Variants in EZH1 observed in about 807,000 individuals in gnomAD.
EZH1 encodes enhancer of zeste 1 polycomb repressive complex 2 subunit.
In EZH1, 33 loss-of-function variants were observed where a neutral mutation model predicts 100.5. The ratio of observed to expected loss-of-function variants is 0.33; its 90% CI spans 0.25 to 0.44. The LOEUF (loss-of-function observed/expected upper bound fraction) is 0.44, where lower values mean the gene tolerates loss of function less well. EZH1 is among the 20% of genes least tolerant of loss of function. EZH1 has a pLI of 1.00. For synonymous variants in EZH1, 272 were observed against 313.8 expected, an observed-to-expected ratio of 0.87 and a Z score of 1.41; for missense variants, 475 against 928.4, an observed-to-expected ratio of 0.51 and a Z score of 6.35.
Position 42,718,653 on chromosome 17 carries a change from G to C in EZH1, c.768-36C>G, listed in dbSNP as rs776916633. 1 of 1,610,328 alleles carries C rather than the reference G, an allele frequency of 6.2e-7. No individual in the cohort carries two copies. Among genetic ancestry groups the C allele is most frequent in the Admixed American group, 1.7e-5 (1 of 59,876 alleles). Reference sequence around the variant, plus strand: ...AAAGAGAGATAAGAGTTCCTCCGAGGAACTGCCTCCACTGAGGAAATACAG... The same window carrying C: ...AAAGAGAGATAAGAGTTCCTCCGAGCAACTGCCTCCACTGAGGAAATACAG... On this transcript the variant is annotated intron_variant, in intron 8 of 20. Transcript: ENST00000428826. This position sits in a 1 kb window ranked among gnomAD's most constrained non-coding sequence, Gnocchi z 4.2.
chr17:42,725,843 CTT>C (rs1203366669), intron 4 of EZH1, among the ~76,000 whole-genome samples: 1 of 152,096 alleles, frequency 6.6e-6, no homozygotes, highest in Admixed American at 6.6e-5. Context: ...TAACATTCTG[CTT>C]CAGGAAAGAT....
intron 1 of EZH1, among the ~76,000 whole-genome samples, chr17:42,737,751 A>G (rs1044106321): frequency 2.0e-5 from 3 of 152,240 alleles, no homozygotes; most frequent in African/African-American, 7.2e-5. Flanking sequence ...CTACAGGAAA[A>G]GAAAGCTATA....
chr17:42,736,156 T>C (rs2054061314), intron 1 of EZH1, among the ~76,000 whole-genome samples: 1 of 152,160 alleles, frequency 6.6e-6, no homozygotes, highest in Non-Finnish European at 1.5e-5. Flanking sequence ...AAAAGACTGA[T>C]AATACAACTT....
At chr17:42,724,163 A>G (rs1390795511) in intron 5 of EZH1, 142 bp downstream of exon 5, 1 of 867,882 alleles carries the variant, frequency 1.2e-6, no homozygotes, top group East Asian at 2.7e-5. Flanking sequence ...TGTTTAGAGT[A>G]AGTAAATTAC....
Position 42,706,014 on chromosome 17 carries a change from A to T in EZH1, c.1832T>A (p.Leu611His). 6.2e-7 allele frequency: 1 copy of T among 1,612,178 alleles called. No homozygotes were observed. The highest frequency in any genetic ancestry group is 8.5e-7 in the Non-Finnish European group (1 of 1,179,168). Residue 611 changes from leucine to histidine, a missense_variant, in exon 16 of 21, where the codon CTT becomes CAT. Physicochemically the swap from Leu to His is moderately conservative, Grantham distance 99. Around this residue, in one of 8 missense-constraint regions of EZH1, gnomAD observed 23 missense variants for 31.9 expected, o/e 0.72. Coordinates refer to ENST00000428826, the MANE Select transcript of EZH1 (RefSeq NM_001991.5). This position sits in a 1 kb window ranked among gnomAD's most constrained non-coding sequence, Gnocchi z 4.4. The stretch of plus-strand genomic sequence containing the variant: ...CCTGAGGAAAGGCCTCACCTTCTTA[A>T]GTCCACGCTGGATGCTGCAGTTTTT... ...SCKNCSIQRG[L>H]KKHLLLAPSD...
rs1167711858 is a variant in EZH1, at chr17:42,718,154, G to A, written c.932-87C>T. On this transcript the variant is annotated intron_variant, in intron 9 of 20. Transcript: ENST00000428826. The surrounding 1 kb of genome is among the most constrained non-coding windows in gnomAD (Gnocchi z 4.2). Reference sequence around the variant, plus strand: ...AAAAGTGAATTAGAGAGCTATTGTAGGAGTTAGAATTCGATATAAACGGCT... The same window carrying A: ...AAAAGTGAATTAGAGAGCTATTGTAAGAGTTAGAATTCGATATAAACGGCT... The A allele has an allele frequency of 3.3e-6, 4 of 1,212,892 alleles. No homozygotes were observed. Among genetic ancestry groups the A allele is most frequent in the Admixed American group, 2.0e-5 (1 of 50,784 alleles). 75.1% of individuals were successfully genotyped at this position (1,212,892 alleles called of 1,614,324 possible).
At chr17:42,732,495 G>C (rs762051867) in intron 1 of EZH1, among the ~76,000 whole-genome samples, 1 of 152,136 alleles carries the variant, frequency 6.6e-6, no homozygotes, top group African/African-American at 2.4e-5. Flanking sequence ...TCGGCCGGGC[G>C]CGGTGGCTCA....
chr17:42,717,838 A>G, intron 10 of EZH1, 138 bp downstream of exon 10: 3 of 698,812 alleles, frequency 4.3e-6, no homozygotes, highest in Non-Finnish European at 7.4e-6. Flanking sequence ...GAGCGGTCCC[A>G]CAGTAACTGG....
At chr17:42,709,026 G>T in intron 13 of EZH1, 110 bp from the exon 14 acceptor site, 2 of 1,258,668 alleles carry the variant, frequency 1.6e-6, no homozygotes, top group Non-Finnish European at 2.3e-6. Context: ...TGACTGGGGA[G>T]TATCTTCCCA....
At chr17:42,712,586 A>G (rs1406967935) in intron 11 of EZH1, 101 bp from the exon 12 acceptor site, 4 of 1,157,282 alleles carry the variant, frequency 3.5e-6, no homozygotes, top group Admixed American at 4.6e-5. Context: ...TTTAAAAGGT[A>G]GAACAGTTAG....
intron 12 of EZH1, among the ~76,000 whole-genome samples, chr17:42,710,719 ACTC>A (rs2053463068): frequency 6.8e-6 from 1 of 147,174 alleles, no homozygotes; most frequent in African/African-American, 2.5e-5. Context: ...GTAGTATAGA[ACTC>A]CTGGGCTCAA....
chr17:42,714,056 C>G (rs1238603330), intron 10 of EZH1, among the ~76,000 whole-genome samples: 1 of 151,862 alleles, frequency 6.6e-6, no homozygotes. Context: ...TCTGTACAAT[C>G]TTACTACTTA....
At chr17:42,728,802 T>G (rs763571451) in intron 3 of EZH1, 23 bp downstream of exon 3, 2 of 1,609,090 alleles carry the variant, frequency 1.2e-6, no homozygotes, top group South Asian at 2.2e-5. Flanking sequence ...TATATAAACT[T>G]TCACTTGGGA....
intron 1 of EZH1, among the ~76,000 whole-genome samples, chr17:42,738,149 C>CT (rs1233666445): frequency 1.4e-5 from 2 of 145,068 alleles, no homozygotes; most frequent in East Asian, 4.0e-4. Context: ...GAACTCCAGC[C>CT]TGGGCGACAG....
intron 10 of EZH1, among the ~76,000 whole-genome samples, chr17:42,715,258 G>T (rs1371762674): frequency 5.8e-5 from 8 of 138,312 alleles, no homozygotes; most frequent in African/African-American, 1.1e-4. Context: ...ATATATAATA[G>T]ATTATATGTA....
chr17:42,730,519 C>T (rs1256890280), intron 2 of EZH1, among the ~76,000 whole-genome samples: 5 of 84,674 alleles, frequency 5.9e-5, no homozygotes, highest in Non-Finnish European at 8.1e-5. Context: ...TTTTTTGAGA[C>T]GGAGTCTCGC....
chr17:42,707,744 G>A (rs907577931), intron 15 of EZH1, among the ~76,000 whole-genome samples: 3 of 152,070 alleles, frequency 2.0e-5, no homozygotes, highest in Non-Finnish European at 4.4e-5. Context: ...TCTGATTTCT[G>A]TGTAATTGCT....
Position 42,708,737 on chromosome 17 carries a change from G to C in EZH1, c.1534+139C>G. On this transcript the variant is annotated intron_variant, in intron 14 of 20. Transcript: ENST00000428826. ...CTCAGTTGCAGTGAGAGGCTCAGCT[G>C]TTCTCAGTTGCTGCAGAGAATTCTG... 5 of 875,104 alleles carry C rather than the reference G, an allele frequency of 5.7e-6. No individual in the cohort carries two copies. In the South Asian group the frequency reaches 7.1e-5, roughly 12 times the overall value. 54.2% of individuals were successfully genotyped at this position (875,104 alleles called of 1,614,324 possible).
At chr17:42,710,681 G>C (rs1228154678) in intron 12 of EZH1, among the ~76,000 whole-genome samples, 1 of 149,822 alleles carries the variant, frequency 6.7e-6, no homozygotes. Flanking sequence ...GGCCAGGCTG[G>C]AGTGCAGTGG....
Sources: gnomAD v4.1 joint callset for allele counts (sites outside exome capture counted in the v4.1 genomes callset) on GRCh38, gnomAD v4.1.1 for gene constraint, gnomAD v4.1.1 regional missense constraint, Gnocchi (gnomAD v3.1) non-coding constraint, MANE v1.5 for transcripts, NCBI Gene and HGNC (gene_info 2026-07-23, HGNC 2026-07-21) for gene names.